EPAS1: variants seen among roughly 807,000 people sequenced by gnomAD.
EPAS1 encodes the protein endothelial PAS domain protein 1.
A neutral mutation model predicts 87.9 loss-of-function variants in EPAS1; 23 were observed. That is an observed-to-expected ratio of 0.26 (90% CI 0.19 to 0.37). The LOEUF is 0.37. Ranked by LOEUF, EPAS1 falls within the 10% of genes least tolerant of loss-of-function variation. EPAS1 has a pLI of 1.00. For synonymous variants in EPAS1, 508 were observed against 444.3 expected (o/e 1.14, Z -1.80); for missense variants, 1,138 against 1,120.7 (o/e 1.02, Z -0.22).
At chr2:46,345,589 A>G (rs2104870690) in intron 1 of EPAS1, among the ~76,000 whole-genome samples, 1 of 152,230 alleles carries the variant, frequency 6.6e-6, no homozygotes, top group African/African-American at 2.4e-5. Context: ...AGGTATAATA[A>G]TAATAATAAT....
Position 46,327,013 on chromosome 2 carries a change from C to G in EPAS1, c.27-19860C>G, listed in dbSNP as rs111641072. Among the ~76,000 whole-genome samples the G allele has an allele frequency of 2.3e-3, 348 of 152,230 alleles. 2 individuals carry two copies. Among genetic ancestry groups the G allele is most frequent in the African/African-American group, 7.8e-3 (326 of 41,538 alleles). On this transcript the variant is annotated intron_variant, in intron 1 of 15. Coordinates refer to ENST00000263734, the MANE Select transcript of EPAS1 (RefSeq NM_001430.5). The stretch of plus-strand genomic sequence containing the variant: ...TGCAAAATGTAGGTCACTGTTGTAC[C>G]TATGTCAGTAGATAATGGTTTACTG...
At chr2:46,365,780 CG>C (rs1468611615) in intron 6 of EPAS1, among the ~76,000 whole-genome samples, 2 of 152,112 alleles carry the variant, frequency 1.3e-5, no homozygotes, top group African/African-American at 4.8e-5. Flanking sequence ...TAGTGAACAG[CG>C]TACATATTAG....
chr2:46,373,983 T>TGAC (rs1171420468), intron 7 of EPAS1, among the ~76,000 whole-genome samples: 1 of 152,238 alleles, frequency 6.6e-6, no homozygotes, highest in Non-Finnish European at 1.5e-5. Flanking sequence ...GCAGTGATGA[T>TGAC]GACCTAATCC....
At chr2:46,354,016 C>T (rs1406849820) in intron 2 of EPAS1, among the ~76,000 whole-genome samples, 1 of 152,246 alleles carries the variant, frequency 6.6e-6, no homozygotes, top group Non-Finnish European at 1.5e-5. Context: ...GATCCTGTGT[C>T]CTGAAAGATA....
chr2:46,369,119 T>A (rs566326934), intron 6 of EPAS1, among the ~76,000 whole-genome samples: 2 of 152,288 alleles, frequency 1.3e-5, no homozygotes, highest in East Asian at 3.9e-4. Flanking sequence ...AAGGCACATT[T>A]CTATGACTAT....
At chr2:46,356,087 G>C (rs1440375103) in intron 2 of EPAS1, 64 bp from the exon 3 acceptor site, 4 of 1,533,498 alleles carry the variant, frequency 2.6e-6, no homozygotes, top group Non-Finnish European at 3.6e-6. Flanking sequence ...ATGCCTATCT[G>C]TGCCAGTCCC....
rs774110431 is a variant in EPAS1, at chr2:46,361,077, T to C, written c.766T>C (p.Tyr256His). Residue 256 changes from tyrosine to histidine, a missense_variant, in exon 6 of 16, where the codon TAC becomes CAC. Physicochemically the swap from Tyr to His is moderately conservative, Grantham distance 83 (BLOSUM62 2). Transcript: ENST00000263734. ...CCACAGCATGGACATGAAGTTCACC[T>C]ACTGTGATGACAGGTAGGGGGCCAT... The part of the protein sequence containing the change: ...SRHSMDMKFT[Y>H]CDDRITELIG... 6.2e-7 allele frequency: 1 copy of C among 1,614,126 alleles called. No homozygotes were observed. Among genetic ancestry groups the C allele is most frequent in the East Asian group, 2.2e-5 (1 of 44,888 alleles).
At chr2:46,356,629 C>T in intron 3 of EPAS1, 95 bp from the exon 4 acceptor site, 1 of 990,780 alleles carries the variant, frequency 1.0e-6, no homozygotes, top group South Asian at 1.3e-5. Flanking sequence ...TCAGTCTCCT[C>T]CCTGCCTCCA....
intron 2 of EPAS1, among the ~76,000 whole-genome samples, chr2:46,355,156 C>G (rs1327816241): frequency 7.2e-5 from 11 of 152,186 alleles, no homozygotes; most frequent in Admixed American, 7.2e-4. Context: ...TATTCCTCAC[C>G]TGGGATCTGA....
chr2:46,297,882 G>A lies in EPAS1; in HGVS notation c.-30G>A, dbSNP rs201477957. 9 of 1,608,588 alleles carry A rather than the reference G, an allele frequency of 5.6e-6. No individual in the cohort carries two copies. The East Asian group carries it at 1.3e-4, about 24-fold the overall frequency. ...CCGCCAGGGAGCCCAGGTGCTCGGC[G>A]TCTGAACGTCTCAAAGGGCCACAGC... On this transcript the variant is annotated 5_prime_UTR_variant, in exon 1 of 16. Transcript: ENST00000263734.
intron 4 of EPAS1, among the ~76,000 whole-genome samples, chr2:46,357,668 C>A (rs559909576): frequency 6.6e-6 from 1 of 152,308 alleles, no homozygotes; most frequent in South Asian, 2.1e-4. Context: ...GTTGGAGCTA[C>A]TTTTGGAGAA....
Position 46,364,423 on chromosome 2 carries a change from C to T in EPAS1, c.779+3333C>T, listed in dbSNP as rs4952821. ...GGGTCATGGAGAAAAAGATGAAAAC[C>T]GACAGGAAAGAAGGGAGAGAAAAGA... On this transcript the variant is annotated intron_variant, in intron 6 of 15. Coordinates refer to ENST00000263734, the MANE Select transcript of EPAS1 (RefSeq NM_001430.5). Among the ~76,000 whole-genome samples, 1,276 of 151,952 alleles carry T rather than the reference C, an allele frequency of 8.4e-3. 37 individuals carry two copies. The highest frequency in any genetic ancestry group is 0.058 in the Admixed American group (887 of 15,276).
chr2:46,334,064 A>G (rs114209061), intron 1 of EPAS1, among the ~76,000 whole-genome samples: 4,936 of 152,140 alleles, frequency 0.032, 276 homozygotes, highest in African/African-American at 0.11. Context: ...CAGCCCAGGA[A>G]TTGCTGCCAT....
Position 46,381,857 on chromosome 2 carries a change from G to C in EPAS1, c.2173-118G>C, listed in dbSNP as rs553947586. ...ACCCAGGGCTGCTGAGAGGGGTGGGGATGTGGCCCTTCCAAGCCAGCAAGT... is the reference window on the plus strand; with the variant it reads ...ACCCAGGGCTGCTGAGAGGGGTGGGCATGTGGCCCTTCCAAGCCAGCAAGT... On this transcript the variant is annotated intron_variant, in intron 13 of 15. Coordinates refer to ENST00000263734, the MANE Select transcript of EPAS1 (RefSeq NM_001430.5). 263 of 1,541,958 alleles carry C rather than the reference G, an allele frequency of 1.7e-4. No homozygotes were observed. The African/African-American group carries it at 3.5e-3, about 20-fold the overall frequency.
chr2:46,379,197 C>CTGTT (rs1206331990), intron 11 of EPAS1, among the ~76,000 whole-genome samples: 1 of 152,148 alleles, frequency 6.6e-6, no homozygotes. Context: ...TAAATAACAT[C>CTGTT]TGTTTGACAA....
intron 2 of EPAS1, among the ~76,000 whole-genome samples, chr2:46,355,617 T>C (rs1457722861): frequency 1.3e-5 from 2 of 152,264 alleles, no homozygotes. Flanking sequence ...TTGTTCCTAC[T>C]ACTACGACTA....
intron 1 of EPAS1, among the ~76,000 whole-genome samples, chr2:46,305,886 C>G (rs986388934): frequency 2.0e-5 from 3 of 152,202 alleles, no homozygotes; most frequent in Non-Finnish European, 4.4e-5. Context: ...AGGTAACCCC[C>G]ATTGCCCTGT....
chr2:46,378,127 C>T lies in EPAS1; in HGVS notation c.1443+40C>T, dbSNP rs763161072. On this transcript the variant is annotated intron_variant, in intron 10 of 15. Transcript: ENST00000263734. Reference sequence around the variant, plus strand: ...TATGGCGAGGACACAGAGAGGGCTCCGTATGTATGACTGCTGCCAGATGGC... The same window carrying T: ...TATGGCGAGGACACAGAGAGGGCTCTGTATGTATGACTGCTGCCAGATGGC... 7.6e-5 allele frequency: 119 copies of T among 1,558,116 alleles called. No homozygotes were observed. In the South Asian group the frequency reaches 1.2e-3, roughly 16 times the overall value.
In EPAS1 at chr2:46,375,190, C is replaced by CAA. The variant is rs111768510; in HGVS notation, c.887-492_887-491dup. On this transcript the variant is annotated intron_variant, in intron 7 of 15. Transcript: ENST00000263734. This position sits in a 1 kb window ranked among gnomAD's most constrained non-coding sequence, Gnocchi z 4.1. The stretch of plus-strand genomic sequence containing the variant: ...TGGTGGGTCTGCTGAAAAAAAAAAA[C>CAA]AAAAAAAAACAAAAAAAACTGCCCT... Among the ~76,000 whole-genome samples the CAA allele has an allele frequency of 1.5e-5, 2 of 135,222 alleles. No individual in the cohort carries two copies. Among genetic ancestry groups the CAA allele is most frequent in the African/African-American group, 5.3e-5 (2 of 37,746 alleles). The allele number at this position is 135,222 out of a possible 152,430, so 88.7% of individuals were successfully genotyped here.
Sources: allele counts gnomAD v4.1 joint callset (sites outside exome capture counted in the v4.1 genomes callset), GRCh38; gene constraint gnomAD v4.1.1; non-coding constraint Gnocchi (gnomAD v3.1); transcripts MANE v1.5; gene names NCBI Gene and HGNC (gene_info 2026-07-23, HGNC 2026-07-21).